AMPH: variants seen among roughly 807,000 people sequenced by gnomAD.
The protein encoded by AMPH is amphiphysin, also known as amphiphysin (Stiff-Mann syndrome with breast cancer 128kD autoantigen).
Under a neutral mutation model 99.1 loss-of-function variants are expected in AMPH, and 49 were observed. The ratio of observed to expected loss-of-function variants is 0.49; its 90% CI spans 0.39 to 0.63. The LOEUF (loss-of-function observed/expected upper bound fraction) is 0.63. Among genes scored for constraint, AMPH ranks in the 20% least tolerant of loss-of-function variants. The pLI is 0.00. For synonymous variants in AMPH, 314 were observed against 317.3 expected (o/e 0.99, Z 0.11); for missense variants, 759 against 863.4 (o/e 0.88, Z 1.52).
intron 2 of AMPH, among the ~76,000 whole-genome samples, chr7:38,529,141 C>T (rs1213195005): frequency 6.6e-6 from 1 of 152,212 alleles, no homozygotes; most frequent in East Asian, 1.9e-4. Context: ...AGTTCCATCA[C>T]TACACTCAAA....
At chr7:38,428,889 C>A in intron 14 of AMPH, 1 of 725,232 alleles carries the variant, frequency 1.4e-6, no homozygotes, top group Non-Finnish European at 2.1e-6. Context: ...ATACCCTGCT[C>A]TTAGATCTTT....
chr7:38,556,481 G>T (rs897197985), intron 1 of AMPH, among the ~76,000 whole-genome samples: 4 of 152,170 alleles, frequency 2.6e-5, no homozygotes, highest in Non-Finnish European at 5.9e-5. Context: ...CACCAGATAT[G>T]GGGAGATACC....
intron 15 of AMPH, among the ~76,000 whole-genome samples, chr7:38,423,260 T>C (rs2128989677): frequency 6.6e-6 from 1 of 152,354 alleles, no homozygotes. Context: ...TTCATTGACC[T>C]AAACAAATCA....
intron 1 of AMPH, among the ~76,000 whole-genome samples, chr7:38,583,654 A>G (rs753572160): frequency 2.0e-5 from 3 of 152,202 alleles, no homozygotes; most frequent in Non-Finnish European, 4.4e-5. Context: ...GTGGTGGACA[A>G]TAAGAATACT....
intron 14 of AMPH, chr7:38,428,986 T>G (rs1490975031): frequency 7.8e-7 from 1 of 1,287,548 alleles, no homozygotes; most frequent in South Asian, 1.2e-5. Flanking sequence ...TTTCCTGTCC[T>G]TTCACATGCT....
intron 17 of AMPH, among the ~76,000 whole-genome samples, chr7:38,395,864 G>C (rs1289467529): frequency 6.6e-6 from 1 of 152,086 alleles, no homozygotes; most frequent in Non-Finnish European, 1.5e-5. Context: ...TTATAACAAA[G>C]CAGTTTTAAA....
chr7:38,593,068 T>C (rs1001131737), intron 1 of AMPH, among the ~76,000 whole-genome samples: 3 of 152,224 alleles, frequency 2.0e-5, no homozygotes, highest in Admixed American at 6.5e-5. Flanking sequence ...AGTAAAACAA[T>C]GCAAGTACTT....
chr7:38,401,182 C>A (rs1370693979), intron 17 of AMPH, among the ~76,000 whole-genome samples: 1 of 152,126 alleles, frequency 6.6e-6, no homozygotes, highest in Non-Finnish European at 1.5e-5. Flanking sequence ...TGAGAAAGAT[C>A]TTTGGTTTGT....
At chr7:38,412,422 T>C (rs866914815) in intron 17 of AMPH, among the ~76,000 whole-genome samples, 4 of 152,270 alleles carry the variant, frequency 2.6e-5, no homozygotes, top group Middle Eastern at 3.4e-3. Flanking sequence ...TTGGCCCTGT[T>C]TGAGATGGGG....
intron 1 of AMPH, among the ~76,000 whole-genome samples, chr7:38,557,331 A>G (rs912661655): frequency 6.6e-6 from 1 of 152,206 alleles, no homozygotes; most frequent in African/African-American, 2.4e-5. Flanking sequence ...CTCATCTTGA[A>G]TTGTAGCTCC....
At chr7:38,525,502 C>T (rs963161984) in intron 2 of AMPH, among the ~76,000 whole-genome samples, 58 of 149,040 alleles carry the variant, frequency 3.9e-4, no homozygotes, top group African/African-American at 1.4e-3. Context: ...GCGATTTTAC[C>T]ACATGTGTAG....
At chr7:38,486,611 C>T (rs996412962) in intron 5 of AMPH, among the ~76,000 whole-genome samples, 83 of 152,064 alleles carry the variant, frequency 5.5e-4, no homozygotes, top group Admixed American at 5.4e-3. Context: ...CAAAGTCAGA[C>T]AAAGACACCA....
intron 1 of AMPH, among the ~76,000 whole-genome samples, chr7:38,547,216 G>T (rs1035776952): frequency 6.6e-6 from 1 of 152,102 alleles, no homozygotes; most frequent in Middle Eastern, 3.4e-3. Context: ...TAAATCCCTT[G>T]CTGGTTTCCC....
intron 2 of AMPH, among the ~76,000 whole-genome samples, chr7:38,505,779 T>C (rs10233502): frequency 0.56 from 85,026 of 151,776 alleles, 24,102 homozygotes; most frequent in Middle Eastern, 0.67. Flanking sequence ...AAAAGCATAT[T>C]GCAACAAAAG....
chr7:38,470,714 C>T (rs1393830529), intron 7 of AMPH, among the ~76,000 whole-genome samples: 1 of 152,058 alleles, frequency 6.6e-6, no homozygotes, highest in East Asian at 1.9e-4. Context: ...GACTCCCAAA[C>T]CTCTCTTCAA....
chr7:38,620,548 TACACACACAC>T (rs201765719), intron 1 of AMPH, among the ~76,000 whole-genome samples: 15,762 of 133,118 alleles, frequency 0.12, 930 homozygotes, highest in African/African-American at 0.13. Flanking sequence ...TATACATACA[TACACACACAC>T]ACACACACAC....
At chr7:38,482,504 A>T (rs3807417) in intron 5 of AMPH, among the ~76,000 whole-genome samples, 22,684 of 152,054 alleles carry the variant, frequency 0.15, 3,127 homozygotes, top group African/African-American at 0.36. Context: ...TTTTATTTTA[A>T]TCTTTCTGTG....
At chr7:38,482,569 A>G (rs893660338) in intron 5 of AMPH, among the ~76,000 whole-genome samples, 44 of 152,140 alleles carry the variant, frequency 2.9e-4, no homozygotes, top group African/African-American at 9.9e-4. Context: ...ATGCTCCTAG[A>G]CAGTGTGGCC....
At chr7:38,616,219 G>A (rs1004953265) in intron 1 of AMPH, among the ~76,000 whole-genome samples, 2 of 152,190 alleles carry the variant, frequency 1.3e-5, no homozygotes, top group Non-Finnish European at 2.9e-5. Context: ...AATGTGGACA[G>A]TTCATGAGAG....
Sources: gnomAD v4.1 joint callset for allele counts (sites outside exome capture counted in the v4.1 genomes callset) on GRCh38, gnomAD v4.1.1 for gene constraint, MANE v1.5 for transcripts, NCBI Gene and HGNC (gene_info 2026-07-23, HGNC 2026-07-21) for gene names.